Variants in ESRRB observed in about 807,000 individuals in gnomAD.
ESRRB encodes steroid hormone receptor ERR2.
ESRRB carries 16 observed loss-of-function variants against 46.0 expected under a neutral mutation model. The observed-to-expected ratio is 0.35, with a 90% confidence interval of 0.24 to 0.53. The LOEUF is 0.53. Ranked by LOEUF, ESRRB falls within the 20% of genes least tolerant of loss-of-function variation. ESRRB has a pLI of 0.93. For missense variants in ESRRB, 488 were observed against 607.4 expected (o/e 0.80, Z 2.07); for synonymous variants, 246 against 259.6 (o/e 0.95, Z 0.50).
intron 3 of ESRRB, among the ~76,000 whole-genome samples, chr14:76,468,245 A>G (rs1889205723): frequency 6.6e-6 from 1 of 152,204 alleles, no homozygotes; most frequent in African/African-American, 2.4e-5. Flanking sequence ...ACTTGCCTTT[A>G]AAAATTCTTT....
chr14:76,381,047 C>T (rs775528471), intron 1 of ESRRB, among the ~76,000 whole-genome samples: 9 of 152,174 alleles, frequency 5.9e-5, no homozygotes, highest in Non-Finnish European at 1.0e-4. Flanking sequence ...TCAGCCCCAG[C>T]AGCCTTAGAC....
Position 76,482,819 on chromosome 14 carries a change from C to A in ESRRB, c.850+60C>A. The A allele has an allele frequency of 1.3e-6, 2 of 1,596,924 alleles. No homozygotes were observed. Among genetic ancestry groups the A allele is most frequent in the Admixed American group, 1.7e-5 (1 of 59,976 alleles). On this transcript the variant is annotated intron_variant, in intron 5 of 6. Transcript: ENST00000644823. The surrounding 1 kb of genome is among the most constrained non-coding windows in gnomAD (Gnocchi z 4.3). ...GGACTCTCAGCCGGTATCTCCGCAG[C>A]CTACCCAATGGCTGTGCTTCTGATG...
At chr14:76,399,799 G>A (rs1315177954) in intron 1 of ESRRB, among the ~76,000 whole-genome samples, 1 of 152,148 alleles carries the variant, frequency 6.6e-6, no homozygotes, top group African/African-American at 2.4e-5. Flanking sequence ...CGCTCACTAG[G>A]GTGTATAAAT....
intron 1 of ESRRB, among the ~76,000 whole-genome samples, chr14:76,332,507 A>C (rs1884025688): frequency 1.0e-5 from 1 of 95,740 alleles, no homozygotes; most frequent in Non-Finnish European, 1.9e-5. Flanking sequence ...TTATATATGT[A>C]TTTGTATATA....
chr14:76,412,880 C>T (rs1886502623), intron 1 of ESRRB, among the ~76,000 whole-genome samples: 1 of 152,118 alleles, frequency 6.6e-6, no homozygotes, highest in Admixed American at 6.5e-5. Context: ...ACTCAGGAGG[C>T]CGGGGCAGGA....
chr14:76,358,115 C>T (rs1236907261), intron 1 of ESRRB, among the ~76,000 whole-genome samples: 2 of 151,596 alleles, frequency 1.3e-5, no homozygotes, highest in African/African-American at 2.4e-5. Flanking sequence ...AGTTCGAGAC[C>T]AGCCTGGCCA....
chr14:76,397,790 A>G (rs1293997970), intron 1 of ESRRB, among the ~76,000 whole-genome samples: 2 of 152,174 alleles, frequency 1.3e-5, no homozygotes, highest in Non-Finnish European at 2.9e-5. Context: ...TGGGGCAAAA[A>G]GGGGGCTTCT....
At chr14:76,394,344 C>T (rs2139825698) in intron 1 of ESRRB, among the ~76,000 whole-genome samples, 1 of 152,290 alleles carries the variant, frequency 6.6e-6, no homozygotes, top group African/African-American at 2.4e-5. Context: ...GTAATATTTG[C>T]TAACATCTTC....
intron 1 of ESRRB, among the ~76,000 whole-genome samples, chr14:76,425,038 T>A (rs1887137738): frequency 6.6e-6 from 1 of 152,176 alleles, no homozygotes; most frequent in South Asian, 2.1e-4. Context: ...TGTGAGCCAC[T>A]GCGCCTGGCC....
chr14:76,336,154 C>T (rs541762041), intron 1 of ESRRB, among the ~76,000 whole-genome samples: 3 of 152,296 alleles, frequency 2.0e-5, no homozygotes, highest in East Asian at 1.9e-4. Context: ...TGCAAAATCT[C>T]GCTGCCTTTT....
At position 76,439,522 on chromosome 14, in the gene ESRRB, G is replaced by T. The variant is rs1329201495; in HGVS notation, c.232G>T (p.Asp78Tyr). 2 of 1,613,478 alleles carry T rather than the reference G, an allele frequency of 1.2e-6. No homozygotes were observed. Among genetic ancestry groups the T allele is most frequent in the Non-Finnish European group, 8.5e-7 (1 of 1,179,966 alleles). ...CCTGGGCACCCACGCCAACGGTCTG[G>T]ACTCGCCACCCATGTTTGCAGGCGC... ...LALGTHANGL[D>Y]SPPMFAGAGL... Residue 78 changes from aspartate (D) to tyrosine (Y), a missense_variant, in exon 2 of 7, where the codon GAC becomes TAC. By Grantham distance (160) the Asp-to-Tyr change is radical. Coordinates refer to ENST00000644823, the MANE Select transcript of ESRRB (RefSeq NM_001379180.1).
intron 1 of ESRRB, among the ~76,000 whole-genome samples, chr14:76,336,997 G>C (rs571870354): frequency 6.6e-6 from 1 of 152,226 alleles, no homozygotes; most frequent in South Asian, 2.1e-4. Context: ...AGGTGAGGGA[G>C]AGAGCCAGCC....
intron 1 of ESRRB, among the ~76,000 whole-genome samples, chr14:76,437,095 G>A (rs907239947): frequency 6.6e-6 from 1 of 152,086 alleles, no homozygotes; most frequent in Non-Finnish European, 1.5e-5. Flanking sequence ...GCAGTAGCCC[G>A]ATCTCGGCTC....
chr14:76,425,745 G>C (rs1887170686), intron 1 of ESRRB, among the ~76,000 whole-genome samples: 1 of 152,098 alleles, frequency 6.6e-6, no homozygotes, highest in Admixed American at 6.5e-5. Flanking sequence ...GTCTCACTCT[G>C]TTGCCCAGGC....
intron 1 of ESRRB, among the ~76,000 whole-genome samples, chr14:76,396,760 C>CCCGGAGGCTCAACTT (rs1446244695): frequency 5.9e-5 from 9 of 152,192 alleles, no homozygotes; most frequent in Admixed American, 5.2e-4. Context: ...AGAGGCTTAG[C>CCCGGAGGCTCAACTT]CCGGAGGCTC....
chr14:76,401,552 T>C (rs1465501317), intron 1 of ESRRB, among the ~76,000 whole-genome samples: 1 of 152,236 alleles, frequency 6.6e-6, no homozygotes, highest in Non-Finnish European at 1.5e-5. Flanking sequence ...ATGGGCTGCA[T>C]ATATGATGGG....
chr14:76,398,155 C>T (rs1368707619), intron 1 of ESRRB, among the ~76,000 whole-genome samples: 1 of 152,192 alleles, frequency 6.6e-6, no homozygotes, highest in African/African-American at 2.4e-5. Flanking sequence ...TTCCTATATG[C>T]CAGGCACAGT....
intron 1 of ESRRB, among the ~76,000 whole-genome samples, chr14:76,358,367 G>GA (rs1595053970): frequency 4.8e-5 from 3 of 62,982 alleles, no homozygotes; most frequent in East Asian, 6.9e-4. Context: ...AAGAAAGAAA[G>GA]AAAGAAAGAA....
chr14:76,324,961 TTC>T (rs1491036453), intron 1 of ESRRB, among the ~76,000 whole-genome samples: 1 of 114,308 alleles, frequency 8.7e-6, no homozygotes, highest in African/African-American at 3.1e-5. Context: ...CTTTTTCTTT[TTC>T]TTTTTTTTTT....
Sources: gnomAD v4.1 joint callset for allele counts (sites outside exome capture counted in the v4.1 genomes callset) on GRCh38, gnomAD v4.1.1 for gene constraint, Gnocchi (gnomAD v3.1) non-coding constraint, MANE v1.5 for transcripts, NCBI Gene and HGNC (gene_info 2026-07-23, HGNC 2026-07-21) for gene names.